MAPK10: variants seen among roughly 807,000 people sequenced by gnomAD.
MAPK10 encodes the protein JNK3 alpha protein kinase.
MAPK10 carries 25 observed loss-of-function variants against 59.3 expected under a neutral mutation model. The ratio of observed to expected loss-of-function variants is 0.42; its 90% CI spans 0.31 to 0.59. MAPK10 has a LOEUF of 0.59. Ranked by LOEUF, MAPK10 falls within the 20% of genes least tolerant of loss-of-function variation. The probability of loss-of-function intolerance (pLI) is 0.15; values close to 1 mark genes in which losing one functional copy is unlikely to be tolerated. For missense variants in MAPK10, 351 were observed against 568.9 expected, an observed-to-expected ratio of 0.62 and a Z score of 3.90; for synonymous variants, 190 against 200.5, an observed-to-expected ratio of 0.95 and a Z score of 0.44.
intron 2 of MAPK10, among the ~76,000 whole-genome samples, chr4:86,249,711 C>CA (rs2093318920): frequency 6.6e-6 from 1 of 152,080 alleles, no homozygotes; most frequent in East Asian, 1.9e-4. Flanking sequence ...CCACTGCCAA[C>CA]AAAAGGTGAA....
intron 2 of MAPK10, among the ~76,000 whole-genome samples, chr4:86,331,774 A>G (rs1295293632): frequency 2.6e-5 from 4 of 152,196 alleles, no homozygotes; most frequent in Non-Finnish European, 5.9e-5. Context: ...AGAGTAACAA[A>G]TCAATCATGA....
intron 1 of MAPK10, among the ~76,000 whole-genome samples, chr4:86,588,467 A>G (rs1762786962): frequency 6.6e-6 from 1 of 152,228 alleles, no homozygotes; most frequent in Non-Finnish European, 1.5e-5. Context: ...ATTTTTAAAC[A>G]GAAATCAGAT....
chr4:86,501,180 G>A (rs1658518446), intron 1 of MAPK10, among the ~76,000 whole-genome samples: 2 of 137,950 alleles, frequency 1.4e-5, no homozygotes, highest in Admixed American at 1.5e-4. Context: ...TAGCAATAAT[G>A]ACCTGAATTC....
At chr4:86,290,687 C>T (rs1408446266) in intron 2 of MAPK10, among the ~76,000 whole-genome samples, 1 of 152,148 alleles carries the variant, frequency 6.6e-6, no homozygotes, top group African/African-American at 2.4e-5. Context: ...CTGGCTGGCA[C>T]TCAGCACTCA....
chr4:86,161,128 G>A (rs1469948314), intron 3 of MAPK10, among the ~76,000 whole-genome samples: 1 of 152,000 alleles, frequency 6.6e-6, no homozygotes, highest in African/African-American at 2.4e-5. Context: ...CGGATATGGT[G>A]GCAGCATTCA....
At chr4:86,573,761 C>T (rs1426268178) in intron 1 of MAPK10, among the ~76,000 whole-genome samples, 1 of 152,112 alleles carries the variant, frequency 6.6e-6, no homozygotes, top group African/African-American at 2.4e-5. Flanking sequence ...ATTTCATTCA[C>T]CAATGTTTTA....
chr4:86,569,412 AC>A (rs1269692821), intron 1 of MAPK10, among the ~76,000 whole-genome samples: 2 of 152,122 alleles, frequency 1.3e-5, no homozygotes, highest in Non-Finnish European at 2.9e-5. Flanking sequence ...AGAACTAAAA[AC>A]AGAACTGCCA....
chr4:86,438,554 G>T (rs2149045970), intron 1 of MAPK10, among the ~76,000 whole-genome samples: 1 of 152,182 alleles, frequency 6.6e-6, no homozygotes, highest in African/African-American at 2.4e-5. Context: ...GCTGGGTGTG[G>T]TGGCAGGCGC....
intron 1 of MAPK10, among the ~76,000 whole-genome samples, chr4:86,430,450 T>C (rs916177599): frequency 1.1e-4 from 16 of 152,296 alleles, no homozygotes; most frequent in Middle Eastern, 3.4e-3. Context: ...GGCCCTTTGG[T>C]AGGTGCTAGA....
At chr4:86,429,142 G>A (rs540222046) in intron 1 of MAPK10, among the ~76,000 whole-genome samples, 19 of 151,990 alleles carry the variant, frequency 1.3e-4, no homozygotes, top group East Asian at 7.7e-4. Flanking sequence ...ATCTGGGCCT[G>A]CCGCTTGCTT....
At position 86,011,550 on chromosome 4, in the gene MAPK10, T is replaced by C. The variant is rs1410694235; in HGVS notation, c.*5678A>G. 2.6e-5 allele frequency: 4 copies of C among 152,226 alleles called. No homozygotes were observed. The highest frequency in any genetic ancestry group is 5.9e-5 in the Non-Finnish European group (4 of 68,036). 9.4% of individuals were successfully genotyped at this position (152,226 alleles called of 1,614,324 possible). A position where few individuals can be genotyped will look rare whatever the true frequency, so the allele number is the denominator to read the frequency against. On this transcript the variant is annotated 3_prime_UTR_variant, in exon 14 of 14. Coordinates refer to ENST00000641462, the MANE Select transcript of MAPK10 (RefSeq NM_138982.4). ...AAAATTACCAAATGTTTGGTAACCA[T>C]TTATGGTATCAGGAATGCACCAATA...
intron 13 of MAPK10, chr4:86,020,524 G>A: frequency 5.9e-6 from 1 of 168,140 alleles, no homozygotes; most frequent in Non-Finnish European, 1.2e-5. Context: ...GTCCGGAATT[G>A]GTGGGTTCTT....
At chr4:86,478,495 C>A (rs1753309317) in intron 1 of MAPK10, among the ~76,000 whole-genome samples, 1 of 152,264 alleles carries the variant, frequency 6.6e-6, no homozygotes, top group South Asian at 2.1e-4. Flanking sequence ...AAACTATGCT[C>A]AACTCACTCT....
At chr4:86,142,175 A>T (rs1245980103) in intron 4 of MAPK10, among the ~76,000 whole-genome samples, 1 of 152,160 alleles carries the variant, frequency 6.6e-6, no homozygotes, top group Non-Finnish European at 1.5e-5. Context: ...CACACCAGGG[A>T]TCAAATTTCA....
At chr4:86,516,764 T>C (rs1446805323) in intron 1 of MAPK10, among the ~76,000 whole-genome samples, 1 of 152,206 alleles carries the variant, frequency 6.6e-6, no homozygotes, top group African/African-American at 2.4e-5. Flanking sequence ...ATGATATTTT[T>C]ATCCTGAAAT....
At chr4:86,464,734 G>A (rs1034755745) in intron 1 of MAPK10, among the ~76,000 whole-genome samples, 3 of 151,780 alleles carry the variant, frequency 2.0e-5, no homozygotes, top group African/African-American at 7.3e-5. Context: ...GCAGGAGAGT[G>A]GCGTGAACCC....
intron 1 of MAPK10, among the ~76,000 whole-genome samples, chr4:86,378,983 T>C (rs1001521941): frequency 6.6e-6 from 1 of 152,204 alleles, no homozygotes; most frequent in Non-Finnish European, 1.5e-5. Flanking sequence ...TGGCGGCATA[T>C]GCTCAAGGGA....
intron 2 of MAPK10, among the ~76,000 whole-genome samples, chr4:86,249,174 AC>A (rs531095234): frequency 7.6e-4 from 116 of 152,300 alleles, no homozygotes; most frequent in African/African-American, 2.5e-3. Context: ...ACACACACAC[AC>A]ACACACCATA....
intron 13 of MAPK10, among the ~76,000 whole-genome samples, chr4:86,025,807 A>C (rs1325320873): frequency 2.6e-5 from 4 of 152,200 alleles, no homozygotes; most frequent in Non-Finnish European, 5.9e-5. Flanking sequence ...TCAACCAAAA[A>C]ACATTGTTAT....
Sources: allele counts gnomAD v4.1 joint callset (sites outside exome capture counted in the v4.1 genomes callset), GRCh38; gene constraint gnomAD v4.1.1; transcripts MANE v1.5; gene names NCBI Gene and HGNC (gene_info 2026-07-23, HGNC 2026-07-21).